The following USP48 variants were observed in gnomAD, a reference collection of about 807,000 sequenced individuals.
USP48 encodes the protein ubiquitin carboxyl-terminal hydrolase 48.
Under a neutral mutation model 150.7 loss-of-function variants are expected in USP48, and 43 were observed. That is an observed-to-expected ratio of 0.29 (90% CI 0.22 to 0.37). The LOEUF is 0.37. Ranked by LOEUF, USP48 falls within the 10% of genes least tolerant of loss-of-function variation. The pLI, the probability that USP48 is intolerant of heterozygous loss-of-function variation, is 1.00. For synonymous variants in USP48, 396 were observed against 425.9 expected (o/e 0.93, Z 0.86); for missense variants, 813 against 1,249.6 (o/e 0.65, Z 5.27).
At chr1:21,739,899 G>A (rs1438762042) in intron 8 of USP48, among the ~76,000 whole-genome samples, 3 of 150,748 alleles carry the variant, frequency 2.0e-5, no homozygotes, top group East Asian at 2.0e-4. Flanking sequence ...ATATAGTATC[G>A]ATGAGATCAT....
At chr1:21,705,928 T>C (rs1481544586) in intron 18 of USP48, 91 bp from the exon 19 acceptor site, 1 of 1,174,764 alleles carries the variant, frequency 8.5e-7, no homozygotes, top group Non-Finnish European at 1.2e-6. Flanking sequence ...ATCAGAGATA[T>C]ATTTAAGAAA....
At chr1:21,679,734 C>T (rs554560238) in intron 26 of USP48, among the ~76,000 whole-genome samples, 36 of 152,284 alleles carry the variant, frequency 2.4e-4, no homozygotes, top group African/African-American at 6.3e-4. Flanking sequence ...TCACTCTTGT[C>T]GCCCAGGCTG....
chr1:21,759,168 A>T (rs4654982), intron 1 of USP48, among the ~76,000 whole-genome samples: 1 of 135,120 alleles, frequency 7.4e-6, no homozygotes, highest in African/African-American at 2.8e-5. Flanking sequence ...GGCAACAGAG[A>T]GAGACACGGT....
At position 21,774,225 on chromosome 1, in the gene USP48, G is replaced by T. The variant is rs534352090; in HGVS notation, c.134+8599C>A. Among the ~76,000 whole-genome samples the T allele has an allele frequency of 2.0e-4, 27 of 134,078 alleles. No homozygotes were observed. The East Asian group carries it at 4.7e-3, about 24-fold the overall frequency. 88.0% of individuals were successfully genotyped at this position (134,078 alleles called of 152,430 possible). A position where few individuals can be genotyped will look rare whatever the true frequency, so the allele number is the denominator to read the frequency against. On this transcript the variant is annotated intron_variant, in intron 1 of 26. Coordinates refer to ENST00000308271, the MANE Select transcript of USP48 (RefSeq NM_032236.8). The stretch of plus-strand genomic sequence containing the variant: ...ATAATAATAATAATAATAATAATAA[G>T]GCAGGTATGTATTTGGGGCTCCTGC...
At chr1:21,720,511 T>G (rs558377815) in intron 14 of USP48, among the ~76,000 whole-genome samples, 14 of 151,692 alleles carry the variant, frequency 9.2e-5, no homozygotes, top group Middle Eastern at 6.8e-3. Flanking sequence ...ATTTTGCTCA[T>G]TTTTTGGGTT....
chr1:21,782,929 G>T lies in USP48; in HGVS notation c.29C>A (p.Ala10Glu). The change falls in exon 1 of 27, where the codon GCG becomes GAG. Residue 10 changes from alanine to glutamate, a missense_variant. Coordinates refer to ENST00000308271, the MANE Select transcript of USP48 (RefSeq NM_032236.8). ...CACCGTCTCCGCCCAGCGCCAGGCC[G>T]CCTTCTCCAGCTGCAGCCGCGGGGC... MAPRLQLEK[A>E]AWRWAETVRP... 1.3e-6 allele frequency: 2 copies of T among 1,548,678 alleles called. No individual in the cohort carries two copies. Among genetic ancestry groups the T allele is most frequent in the Non-Finnish European group, 8.7e-7 (1 of 1,148,978 alleles).
chr1:21,780,738 ATTTTTTTTT>A (rs34071636), intron 1 of USP48, among the ~76,000 whole-genome samples: 1 of 117,452 alleles, frequency 8.5e-6, no homozygotes, highest in African/African-American at 3.2e-5. Flanking sequence ...AGATAAGATA[ATTTTTTTTT>A]TTTTTTTTTT....
At chr1:21,704,121 G>A in intron 20 of USP48, 141 bp downstream of exon 20, 1 of 872,070 alleles carries the variant, frequency 1.1e-6, no homozygotes. Flanking sequence ...CAAATAATGG[G>A]ATGATTATAA....
At chr1:21,768,032 C>A (rs2097866952) in intron 1 of USP48, among the ~76,000 whole-genome samples, 1 of 151,916 alleles carries the variant, frequency 6.6e-6, no homozygotes. Context: ...ATGGTGAAAC[C>A]CCGTCTCTAC....
At chr1:21,736,703 TA>T in intron 8 of USP48, 78 bp from the exon 9 acceptor site, 5 of 1,218,504 alleles carry the variant, frequency 4.1e-6, no homozygotes, top group Non-Finnish European at 5.4e-6. Context: ...TTGTAATGAT[TA>T]CGAATCTTTA....
chr1:21,708,183 CACAAA>C (rs1259624163), intron 15 of USP48, among the ~76,000 whole-genome samples: 1 of 151,530 alleles, frequency 6.6e-6, no homozygotes, highest in African/African-American at 2.4e-5. Flanking sequence ...AACAAAACAA[CACAAA>C]ACAAAACAAA....
chr1:21,747,412 G>A (rs896679330), intron 7 of USP48, among the ~76,000 whole-genome samples: 4 of 152,148 alleles, frequency 2.6e-5, no homozygotes, highest in African/African-American at 9.7e-5. Flanking sequence ...AGATTATCCT[G>A]CTTTACAGAA....
At chr1:21,756,867 A>G (rs2097837338) in intron 2 of USP48, 165 bp from the exon 3 acceptor site, 5 of 985,412 alleles carry the variant, frequency 5.1e-6, no homozygotes, top group Non-Finnish European at 3.6e-6. Context: ...CATAATTTTC[A>G]TGAAAGCCCC....
At chr1:21,766,440 T>C (rs2097862451) in intron 1 of USP48, among the ~76,000 whole-genome samples, 1 of 152,140 alleles carries the variant, frequency 6.6e-6, no homozygotes, top group African/African-American at 2.4e-5. Flanking sequence ...AGGGTATGAA[T>C]GACTAAGTTC....
At chr1:21,710,587 T>G (rs958889899) in intron 15 of USP48, among the ~76,000 whole-genome samples, 1 of 152,180 alleles carries the variant, frequency 6.6e-6, no homozygotes, top group Non-Finnish European at 1.5e-5. Flanking sequence ...TACTGAACTC[T>G]AGGATAGTAA....
chr1:21,717,724 G>T (rs1036354858), intron 14 of USP48, among the ~76,000 whole-genome samples: 3 of 152,178 alleles, frequency 2.0e-5, no homozygotes, highest in African/African-American at 7.2e-5. Context: ...TTGGAGGGCT[G>T]AGGTGGGCAG....
chr1:21,746,917 T>TA, intron 8 of USP48, 150 bp downstream of exon 8: 2 of 577,562 alleles, frequency 3.5e-6, no homozygotes, highest in South Asian at 2.5e-5. Context: ...TTGGCTCTCC[T>TA]AAAAAAGTCT....
intron 1 of USP48, among the ~76,000 whole-genome samples, chr1:21,774,870 T>A (rs1168752904): frequency 6.7e-6 from 1 of 150,152 alleles, no homozygotes; most frequent in Admixed American, 6.6e-5. Context: ...CCATGCCTGT[T>A]GTCCCAGCTA....
intron 25 of USP48, among the ~76,000 whole-genome samples, chr1:21,683,547 G>A (rs1177953722): frequency 6.6e-6 from 1 of 152,016 alleles, no homozygotes; most frequent in Admixed American, 6.6e-5. Context: ...ACCATGCCTG[G>A]CTCTTTTTTT....
Sources: allele counts gnomAD v4.1 joint callset (sites outside exome capture counted in the v4.1 genomes callset), GRCh38; gene constraint gnomAD v4.1.1; transcripts MANE v1.5; gene names NCBI Gene and HGNC (gene_info 2026-07-23, HGNC 2026-07-21).